The following LRTM3 variants were observed in gnomAD, a reference collection of about 807,000 sequenced individuals.
LRTM3 encodes leucine-rich repeat transmembrane protein 3.
chr13:102,734,094 C>G, the LRTM3 span: 1 of 1,551,362 alleles, frequency 6.4e-7, no homozygotes. Context: ...ACTTTTTTCT[C>G]CAGTTTGTTA....
At chr13:102,758,903 T>C in the LRTM3 span, 9 of 1,533,438 alleles carry the variant, frequency 5.9e-6, no homozygotes, top group East Asian at 7.4e-5. Flanking sequence ...TCCCTACCCC[T>C]TTTTTAAAGG....
chr13:102,736,647 C>T, the LRTM3 span: 3 of 1,550,852 alleles, frequency 1.9e-6, no homozygotes, highest in East Asian at 2.4e-5. Flanking sequence ...ATTTCCACCT[C>T]ACCTTCTTGT....
chr13:102,741,866 A>T, the LRTM3 span: 4 of 1,550,232 alleles, frequency 2.6e-6, no homozygotes, highest in East Asian at 7.3e-5. Context: ...ACTGTAATTG[A>T]TTTGTTGTGA....
At chr13:102,751,851 C>T in the LRTM3 span, among the ~76,000 whole-genome samples, 1 of 152,110 alleles carries the variant, frequency 6.6e-6, no homozygotes, top group South Asian at 2.1e-4. Context: ...AATGGACATC[C>T]TCTTGACCAA....
the LRTM3 span, chr13:102,747,343 GC>G: frequency 3.9e-6 from 6 of 1,549,986 alleles, no homozygotes; most frequent in African/African-American, 6.9e-5. Context: ...TTTCAAAATT[GC>G]CTCCCATTTT....
chr13:102,752,730 G>A, the LRTM3 span, among the ~76,000 whole-genome samples: 2 of 152,140 alleles, frequency 1.3e-5, no homozygotes, highest in African/African-American at 4.8e-5. Flanking sequence ...ATATGTTGAA[G>A]TCCTAACCGT....
chr13:102,739,458 A>C, the LRTM3 span: 1 of 1,550,512 alleles, frequency 6.4e-7, no homozygotes, highest in Non-Finnish European at 8.7e-7. Context: ...AGAGTTCCTG[A>C]CTTATCTTTA....
chr13:102,730,999 G>T, the LRTM3 span: 1 of 1,551,306 alleles, frequency 6.4e-7, no homozygotes, highest in Admixed American at 2.0e-5. Flanking sequence ...TTACAATTCT[G>T]GGAAAGGCTT....
the LRTM3 span, chr13:102,747,276 T>G: frequency 6.5e-7 from 1 of 1,549,220 alleles, no homozygotes; most frequent in Admixed American, 2.0e-5. Flanking sequence ...GGAGGGTAAA[T>G]AACATTCAGA....
At chr13:102,743,021 C>A in the LRTM3 span, 2 of 1,547,808 alleles carry the variant, frequency 1.3e-6, no homozygotes, top group Admixed American at 4.0e-5. Context: ...GTAAATCTGA[C>A]TTTTTGAGAA....
chr13:102,740,385 G>C, the LRTM3 span: 1,017 of 1,550,228 alleles, frequency 6.6e-4, 6 homozygotes, highest in African/African-American at 0.012. Context: ...TCTAGTCCTG[G>C]TGTCCGGCTT....
At chr13:102,758,316 C>A in the LRTM3 span, 1 of 764,286 alleles carries the variant, frequency 1.3e-6, no homozygotes, top group Non-Finnish European at 2.1e-6. Flanking sequence ...TAGGAAAACC[C>A]TTCTCTGAAA....
chr13:102,756,175 A>G, the LRTM3 span, among the ~76,000 whole-genome samples: 4 of 149,628 alleles, frequency 2.7e-5, no homozygotes, highest in African/African-American at 9.8e-5. Context: ...CTGGTTTCGA[A>G]CTCCTGACCT....
chr13:102,747,417 T>G, the LRTM3 span: 18 of 1,548,618 alleles, frequency 1.2e-5, no homozygotes, highest in African/African-American at 6.9e-5. Context: ...GCTGGCTTCT[T>G]TACTTTCATA....
the LRTM3 span, chr13:102,741,315 G>A: frequency 6.5e-7 from 1 of 1,549,900 alleles, no homozygotes; most frequent in African/African-American, 1.4e-5. Flanking sequence ...TGTTTTAAGT[G>A]AAGAGGGTCC....
At chr13:102,756,331 G>A in the LRTM3 span, among the ~76,000 whole-genome samples, 3 of 134,054 alleles carry the variant, frequency 2.2e-5, no homozygotes, top group African/African-American at 8.5e-5. Flanking sequence ...AAAAAATGGA[G>A]GTATAGTGAG....
the LRTM3 span, chr13:102,742,895 G>T: frequency 6.4e-7 from 1 of 1,550,638 alleles, no homozygotes; most frequent in African/African-American, 1.4e-5. Flanking sequence ...ATCATCTGTT[G>T]CCTCACTCAG....
the LRTM3 span, chr13:102,744,663 T>C: frequency 2.2e-5 from 34 of 1,550,724 alleles, no homozygotes; most frequent in South Asian, 5.9e-5. Context: ...GGATCTTTCA[T>C]TTGATGTGTA....
At chr13:102,739,257 T>A in the LRTM3 span, 1 of 1,550,398 alleles carries the variant, frequency 6.4e-7, no homozygotes, top group South Asian at 1.2e-5. Flanking sequence ...TTCTTTCCTT[T>A]CAAAGTGATA....
Sources: gnomAD v4.1 joint callset for allele counts (sites outside exome capture counted in the v4.1 genomes callset) on GRCh38, gnomAD v4.1.1 for gene constraint, MANE v1.5 for transcripts, NCBI Gene and HGNC (gene_info 2026-07-23, HGNC 2026-07-21) for gene names.